Variants in COMMD10 observed in about 807,000 individuals in gnomAD.
COMMD10 encodes the protein COMM domain containing 10.
Under a neutral mutation model 28.9 loss-of-function variants are expected in COMMD10, and 33 were observed. The ratio of observed to expected loss-of-function variants is 1.14; its 90% CI spans 0.87 to 1.53. The LOEUF is 1.53. COMMD10 is among the 40% of genes most tolerant of loss of function. The probability of loss-of-function intolerance (pLI) is 0.00; values close to 1 mark genes in which losing one functional copy is unlikely to be tolerated. For missense variants in COMMD10, 310 were observed against 233.4 expected, an observed-to-expected ratio of 1.33 and a Z score of -2.14; for synonymous variants, 110 against 81.7, an observed-to-expected ratio of 1.35 and a Z score of -1.87.
chr5:116,092,681 G>A lies in COMMD10; in HGVS notation c.380G>A (p.Arg127Lys), dbSNP rs758800834. 1 of 1,607,208 alleles carries A rather than the reference G, an allele frequency of 6.2e-7. No individual in the cohort carries two copies. Among genetic ancestry groups the A allele is most frequent in the South Asian group, 1.1e-5 (1 of 89,496 alleles). The change falls in exon 4 of 7, where the codon AGA (arginine) becomes AAA (lysine). Residue 127 changes from arginine to lysine, a missense_variant. By Grantham distance (26) the Arg-to-Lys change is conservative. Transcript: ENST00000274458. Reference protein sequence around the residue: ...GQETVEKFRQRILAPCKLETV... With the variant: ...GQETVEKFRQKILAPCKLETV... ...GAAACAGTTGAAAAGTTCCGGCAGA[G>A]AATTCTGGCTCCCTGTAAGGTATAG... is the stretch of plus-strand genomic sequence containing the variant.
rs1490030069 is a variant in COMMD10, at chr5:116,110,778, A to G, written c.399+18078A>G. 2.6e-5 allele frequency among the ~76,000 whole-genome samples: 4 copies of G among 152,288 alleles called. No individual in the cohort carries two copies. The South Asian group carries it at 6.2e-4, about 24-fold the overall frequency. On this transcript the variant is annotated intron_variant, in intron 4 of 6. Transcript: ENST00000274458. The stretch of plus-strand genomic sequence containing the variant: ...GGTGAAGGGGGAGCAAACCCATCAC[A>G]TGGTCAGAGCAGGAACAAGAGAGGA...
chr5:116,260,290 G>A (rs1392799522), intron 5 of COMMD10, among the ~76,000 whole-genome samples: 2 of 151,808 alleles, frequency 1.3e-5, no homozygotes, highest in Admixed American at 6.6e-5. Context: ...CATTTATTTA[G>A]CATTAGCCTC....
At chr5:116,279,547 C>A (rs944053703) in intron 5 of COMMD10, among the ~76,000 whole-genome samples, 3 of 151,738 alleles carry the variant, frequency 2.0e-5, no homozygotes, top group Admixed American at 6.6e-5. Context: ...TTAATGAAGT[C>A]TTTGGAATCA....
At chr5:116,282,566 C>T (rs1751100404) in intron 5 of COMMD10, among the ~76,000 whole-genome samples, 1 of 151,812 alleles carries the variant, frequency 6.6e-6, no homozygotes, top group African/African-American at 2.4e-5. Context: ...CCTAGGGCGA[C>T]CATAACAAAG....
intron 5 of COMMD10, among the ~76,000 whole-genome samples, chr5:116,154,334 T>G (rs758493458): frequency 5.3e-5 from 8 of 152,288 alleles, no homozygotes; most frequent in Non-Finnish European, 8.8e-5. Flanking sequence ...ATTTAAAACT[T>G]GAAATTTGTA....
chr5:116,100,238 A>G (rs1187450695), intron 4 of COMMD10, among the ~76,000 whole-genome samples: 4 of 152,066 alleles, frequency 2.6e-5, no homozygotes, highest in Non-Finnish European at 5.9e-5. Flanking sequence ...CTCACATTCT[A>G]TAGGTTGCCT....
chr5:116,116,187 T>C (rs1485689070), intron 4 of COMMD10, among the ~76,000 whole-genome samples: 3 of 152,206 alleles, frequency 2.0e-5, no homozygotes, highest in Non-Finnish European at 2.9e-5. Flanking sequence ...AAAATCCCCT[T>C]TAAGCCATTG....
At position 116,153,955 on chromosome 5, in the gene COMMD10, G is replaced by A. The variant is rs972089587; in HGVS notation, c.510+19777G>A. Reference sequence around the variant, plus strand: ...GCACTTAGAATACTAGAGAATTAGAGAATTTAGGGGCATAAAATAGAATCC... The same window carrying A: ...GCACTTAGAATACTAGAGAATTAGAAAATTTAGGGGCATAAAATAGAATCC... On this transcript the variant is annotated intron_variant, in intron 5 of 6. Transcript: ENST00000274458. 4.6e-5 allele frequency among the ~76,000 whole-genome samples: 7 copies of A among 152,004 alleles called. 1 individual carries two copies. Among genetic ancestry groups the A allele is most frequent in the Admixed American group, 3.9e-4 (6 of 15,218 alleles).
rs538795090 is a variant in COMMD10, at chr5:116,085,863, A to G, written c.41+770A>G. ...GATTGGGTAGAAATCTTTCAGAAGAAAAGAGTTATTTTAAAGTTTTTCCTT... is the reference window on the plus strand; with the variant it reads ...GATTGGGTAGAAATCTTTCAGAAGAGAAGAGTTATTTTAAAGTTTTTCCTT... On this transcript the variant is annotated intron_variant, in intron 1 of 6. Transcript: ENST00000274458. Among the ~76,000 whole-genome samples, 6 of 152,364 alleles carry G rather than the reference A, an allele frequency of 3.9e-5. No individual in the cohort carries two copies. In the South Asian group the frequency reaches 1.2e-3, roughly 32 times the overall value.
At chr5:116,186,045 A>C (rs1020068829) in intron 5 of COMMD10, among the ~76,000 whole-genome samples, 2 of 152,006 alleles carry the variant, frequency 1.3e-5, no homozygotes, top group African/African-American at 2.4e-5. Context: ...GACCCCTTTT[A>C]ATCATCTGAG....
At chr5:116,093,193 G>A (rs1419138524) in intron 4 of COMMD10, among the ~76,000 whole-genome samples, 1 of 152,186 alleles carries the variant, frequency 6.6e-6, no homozygotes, top group Non-Finnish European at 1.5e-5. Flanking sequence ...GGCTAGTGGT[G>A]TGGTACATAA....
intron 4 of COMMD10, among the ~76,000 whole-genome samples, chr5:116,124,348 G>T (rs1425426077): frequency 6.6e-6 from 1 of 152,192 alleles, no homozygotes; most frequent in Non-Finnish European, 1.5e-5. Flanking sequence ...TTCAGGAGCA[G>T]ATTGTTCAGT....
At chr5:116,220,824 C>A (rs933020104) in intron 5 of COMMD10, among the ~76,000 whole-genome samples, 1 of 151,968 alleles carries the variant, frequency 6.6e-6, no homozygotes, top group African/African-American at 2.4e-5. Flanking sequence ...TTTAAAGGGA[C>A]CATCTTTTAA....
At chr5:116,258,124 A>G (rs1232373443) in intron 5 of COMMD10, among the ~76,000 whole-genome samples, 1 of 151,806 alleles carries the variant, frequency 6.6e-6, no homozygotes, top group Non-Finnish European at 1.5e-5. Flanking sequence ...AGGCATATAA[A>G]TTGGATTTCT....
intron 5 of COMMD10, among the ~76,000 whole-genome samples, chr5:116,209,901 A>C (rs1748914313): frequency 6.6e-6 from 1 of 152,138 alleles, no homozygotes; most frequent in Non-Finnish European, 1.5e-5. Context: ...TGCAATAATA[A>C]TACTACACAC....
intron 5 of COMMD10, among the ~76,000 whole-genome samples, chr5:116,269,543 T>C (rs930976972): frequency 1.3e-5 from 2 of 151,906 alleles, no homozygotes; most frequent in African/African-American, 4.9e-5. Flanking sequence ...TTTCACCTGG[T>C]ATTTTTTTTC....
intron 5 of COMMD10, among the ~76,000 whole-genome samples, chr5:116,280,651 ATGAC>A: frequency 6.6e-6 from 1 of 151,948 alleles, no homozygotes; most frequent in Non-Finnish European, 1.5e-5. Context: ...GATGACAAAA[ATGAC>A]TAACAGTTGT....
At chr5:116,160,166 G>A (rs10478286) in intron 5 of COMMD10, among the ~76,000 whole-genome samples, 49,137 of 152,020 alleles carry the variant, frequency 0.32, 11,355 homozygotes, top group African/African-American at 0.66. Context: ...TCTGCCTAAA[G>A]AGTAAATGAA....
At chr5:116,228,740 G>C (rs1025292046) in intron 5 of COMMD10, among the ~76,000 whole-genome samples, 2 of 151,910 alleles carry the variant, frequency 1.3e-5, no homozygotes, top group Non-Finnish European at 2.9e-5. Flanking sequence ...ATTAAAATAA[G>C]ATCTTTTAGG....
Sources: gnomAD v4.1 joint callset for allele counts (sites outside exome capture counted in the v4.1 genomes callset) on GRCh38, gnomAD v4.1.1 for gene constraint, MANE v1.5 for transcripts, NCBI Gene and HGNC (gene_info 2026-07-23, HGNC 2026-07-21) for gene names.